Variants in STXBP5L observed in about 807,000 individuals in gnomAD.
The protein encoded by STXBP5L is syntaxin binding protein 5L.
In STXBP5L, 65 loss-of-function variants were observed where a neutral mutation model predicts 144.5. The observed-to-expected ratio is 0.45, with a 90% confidence interval of 0.37 to 0.55. STXBP5L has a LOEUF of 0.55. Among genes scored for constraint, STXBP5L ranks in the 20% least tolerant of loss-of-function variants. STXBP5L has a pLI of 0.00. For missense variants in STXBP5L, 1,298 were observed against 1,405.5 expected, an observed-to-expected ratio of 0.92 and a Z score of 1.22; for synonymous variants, 505 against 469.6, an observed-to-expected ratio of 1.08 and a Z score of -0.97.
chr3:120,912,770 G>T (rs12632316), intron 2 of STXBP5L, among the ~76,000 whole-genome samples: 15,091 of 151,858 alleles, frequency 0.099, 1,181 homozygotes, highest in Admixed American at 0.2. Context: ...TGAAACTATT[G>T]CTCTATAAAA....
intron 3 of STXBP5L, among the ~76,000 whole-genome samples, chr3:120,966,780 G>T (rs1435981127): frequency 1.3e-5 from 2 of 152,118 alleles, no homozygotes; most frequent in Non-Finnish European, 2.9e-5. Flanking sequence ...GAGGCAGTGT[G>T]TCCGTTCTCA....
intron 19 of STXBP5L, among the ~76,000 whole-genome samples, chr3:121,305,751 T>C (rs570756328): frequency 1.3e-5 from 2 of 152,242 alleles, no homozygotes; most frequent in South Asian, 2.1e-4. Flanking sequence ...ATGTTTACTA[T>C]CATCACTTTT....
chr3:121,379,010 C>A (rs769860114), intron 21 of STXBP5L, 124 bp downstream of exon 21: 3 of 996,540 alleles, frequency 3.0e-6, no homozygotes, highest in South Asian at 1.8e-5. Context: ...TCAGTGAATA[C>A]CTGAGAGCCT....
intron 1 of STXBP5L, among the ~76,000 whole-genome samples, chr3:120,908,562 G>A (rs974629453): frequency 2.6e-5 from 4 of 151,764 alleles, no homozygotes; most frequent in African/African-American, 9.7e-5. Context: ...GCCTCGGCGT[G>A]AGGTGTTTGT....
intron 5 of STXBP5L, among the ~76,000 whole-genome samples, chr3:121,094,519 T>G (rs1243837160): frequency 6.6e-6 from 1 of 152,104 alleles, no homozygotes; most frequent in Non-Finnish European, 1.5e-5. Context: ...CCCTTTACCA[T>G]TATGTAATGG....
intron 9 of STXBP5L, among the ~76,000 whole-genome samples, chr3:121,173,101 C>G (rs1559822929): frequency 1.3e-5 from 2 of 152,016 alleles, no homozygotes; most frequent in East Asian, 3.9e-4. Context: ...ACCGCATGTT[C>G]TCACTCATAA....
chr3:121,297,234 G>A (rs994761665), intron 19 of STXBP5L, among the ~76,000 whole-genome samples: 2 of 123,652 alleles, frequency 1.6e-5, no homozygotes. Context: ...GTGTGTGTGT[G>A]TGTGTGATAT....
intron 20 of STXBP5L, among the ~76,000 whole-genome samples, chr3:121,323,789 C>T (rs2044055447): frequency 6.6e-6 from 1 of 151,956 alleles, no homozygotes; most frequent in Admixed American, 6.5e-5. Flanking sequence ...TACAGCTTGA[C>T]CTCCCAAGAG....
chr3:121,328,776 C>T (rs944908070), intron 20 of STXBP5L, among the ~76,000 whole-genome samples: 1 of 151,730 alleles, frequency 6.6e-6, no homozygotes, highest in Non-Finnish European at 1.5e-5. Context: ...ATAAACTAGG[C>T]TTCGCTTCAT....
At chr3:121,383,119 CA>C (rs918345700) in intron 22 of STXBP5L, among the ~76,000 whole-genome samples, 5 of 151,658 alleles carry the variant, frequency 3.3e-5, no homozygotes, top group African/African-American at 1.2e-4. Flanking sequence ...CCATCACTAC[CA>C]AAAAATTTTT....
At chr3:120,978,150 G>T (rs1308522665) in intron 3 of STXBP5L, among the ~76,000 whole-genome samples, 1 of 152,148 alleles carries the variant, frequency 6.6e-6, no homozygotes, top group Admixed American at 6.5e-5. Flanking sequence ...TTTCCAACTT[G>T]GTTCCATTCT....
At chr3:121,402,270 A>G (rs974776919) in intron 22 of STXBP5L, among the ~76,000 whole-genome samples, 4 of 152,200 alleles carry the variant, frequency 2.6e-5, no homozygotes, top group African/African-American at 4.8e-5. Context: ...GTCCTCAAAG[A>G]GCTTACATTC....
chr3:121,051,884 A>T (rs897840504), intron 5 of STXBP5L, among the ~76,000 whole-genome samples: 1 of 152,204 alleles, frequency 6.6e-6, no homozygotes, highest in South Asian at 2.1e-4. Context: ...AAATAGATGC[A>T]ATAAAAAATG....
chr3:121,112,102 A>G lies in STXBP5L; in HGVS notation c.471-2823A>G, dbSNP rs185814662. On this transcript the variant is annotated intron_variant, in intron 5 of 26. Coordinates refer to ENST00000471454, the MANE Select transcript of STXBP5L (RefSeq NM_001308330.2). ...GCACCAGCAGGGAAAAAGTGGCAGA[A>G]TGGAGCTGCATTTATGGCTGCCACC... is the stretch of plus-strand genomic sequence containing the variant. Among the ~76,000 whole-genome samples, 86 of 152,148 alleles carry G rather than the reference A, an allele frequency of 5.7e-4. No homozygotes were observed. In the East Asian group the frequency reaches 0.015, roughly 26 times the overall value.
At chr3:121,029,315 A>G (rs1946190688) in intron 3 of STXBP5L, among the ~76,000 whole-genome samples, 1 of 152,216 alleles carries the variant, frequency 6.6e-6, no homozygotes, top group Non-Finnish European at 1.5e-5. Context: ...ACAGCATGGT[A>G]CTGGTAACAA....
intron 19 of STXBP5L, among the ~76,000 whole-genome samples, chr3:121,305,321 C>T (rs2043300703): frequency 6.6e-6 from 1 of 152,024 alleles, no homozygotes; most frequent in Admixed American, 6.6e-5. Context: ...TGTCTGAAAC[C>T]AGCACAATGT....
chr3:120,970,130 A>G (rs369066008), intron 3 of STXBP5L, among the ~76,000 whole-genome samples: 1 of 151,992 alleles, frequency 6.6e-6, no homozygotes, highest in South Asian at 2.1e-4. Flanking sequence ...ACGTCTTTTT[A>G]TATTATCTGT....
At chr3:121,399,711 G>T (rs147307423) in intron 22 of STXBP5L, among the ~76,000 whole-genome samples, 2 of 152,186 alleles carry the variant, frequency 1.3e-5, no homozygotes, top group African/African-American at 2.4e-5. Context: ...AGCAGTTTTC[G>T]GCCCTGGGAG....
chr3:120,979,394 G>T (rs1029207514), intron 3 of STXBP5L, among the ~76,000 whole-genome samples: 7 of 152,274 alleles, frequency 4.6e-5, no homozygotes, highest in African/African-American at 1.4e-4. Context: ...TTTTAAGCCT[G>T]TCGGAAAAGC....
Sources: gnomAD v4.1 joint callset for allele counts (sites outside exome capture counted in the v4.1 genomes callset) on GRCh38, gnomAD v4.1.1 for gene constraint, MANE v1.5 for transcripts, NCBI Gene and HGNC (gene_info 2026-07-23, HGNC 2026-07-21) for gene names.